The following CFAP90 variants were observed in gnomAD, a reference collection of about 807,000 sequenced individuals.
The protein encoded by CFAP90 is cilia- and flagella-associated protein 90.
At chr5:7,845,996 C>T in the CFAP90 span, among the ~76,000 whole-genome samples, 3 of 142,592 alleles carry the variant, frequency 2.1e-5, no homozygotes, top group South Asian at 2.2e-4. Context: ...ATGAGGTTTG[C>T]GACTGGGATC....
At chr5:7,833,739 G>A in the CFAP90 span, among the ~76,000 whole-genome samples, 1 of 152,112 alleles carries the variant, frequency 6.6e-6, no homozygotes, top group Non-Finnish European at 1.5e-5. Flanking sequence ...TCTCATATAC[G>A]ACGGTAGTCC....
chr5:7,849,792 T>C, the CFAP90 span, among the ~76,000 whole-genome samples: 8 of 148,580 alleles, frequency 5.4e-5, no homozygotes, highest in African/African-American at 1.7e-4. Flanking sequence ...TCGCCAGCTA[T>C]TCCTTCTGGT....
the CFAP90 span, chr5:7,850,995 G>C: frequency 1.6e-6 from 2 of 1,286,908 alleles, no homozygotes; most frequent in East Asian, 3.0e-5. Context: ...GCGTGGACGC[G>C]GTGGTCTCCT....
chr5:7,838,730 T>C, the CFAP90 span, among the ~76,000 whole-genome samples: 2 of 152,188 alleles, frequency 1.3e-5, no homozygotes, highest in Non-Finnish European at 2.9e-5. Context: ...CCCTGTTCCA[T>C]GCGTTTTGGG....
chr5:7,842,885 G>A, the CFAP90 span, among the ~76,000 whole-genome samples: 1 of 152,218 alleles, frequency 6.6e-6, no homozygotes, highest in Non-Finnish European at 1.5e-5. Context: ...GCAGAGCTTA[G>A]AAGAAATGCT....
At chr5:7,831,860 G>A in the CFAP90 span, 1 of 1,612,602 alleles carries the variant, frequency 6.2e-7, no homozygotes, top group South Asian at 1.1e-5. Flanking sequence ...TCAGGATGGA[G>A]CAATGTGCCC....
the CFAP90 span, among the ~76,000 whole-genome samples, chr5:7,850,112 C>T: frequency 1.3e-5 from 2 of 152,170 alleles, no homozygotes; most frequent in Non-Finnish European, 2.9e-5. Flanking sequence ...CCCCTGATCG[C>T]AGCTAAGACA....
the CFAP90 span, among the ~76,000 whole-genome samples, chr5:7,834,788 A>C: frequency 6.6e-6 from 1 of 152,244 alleles, no homozygotes; most frequent in East Asian, 1.9e-4. Context: ...GCCTAGGAGT[A>C]ATAAGCTGTA....
chr5:7,849,503 T>G, the CFAP90 span, among the ~76,000 whole-genome samples: 1 of 152,056 alleles, frequency 6.6e-6, no homozygotes, highest in African/African-American at 2.4e-5. Context: ...AGGCTGAGGG[T>G]CCTCAATGAA....
chr5:7,850,736 T>C, the CFAP90 span: 2 of 763,930 alleles, frequency 2.6e-6, no homozygotes, highest in East Asian at 1.2e-4. Flanking sequence ...CCAAGACCCT[T>C]CCGCTGGGGT....
the CFAP90 span, among the ~76,000 whole-genome samples, chr5:7,849,907 A>G: frequency 6.6e-6 from 1 of 152,076 alleles, no homozygotes; most frequent in African/African-American, 2.4e-5. Context: ...TGCCGCAGAC[A>G]GACCCCAGAG....
chr5:7,836,000 T>C, the CFAP90 span, among the ~76,000 whole-genome samples: 4 of 152,052 alleles, frequency 2.6e-5, no homozygotes, highest in Non-Finnish European at 5.9e-5. Flanking sequence ...GATTCACAGG[T>C]GGTGTCTTCT....
chr5:7,843,362 G>T, the CFAP90 span, among the ~76,000 whole-genome samples: 10 of 152,150 alleles, frequency 6.6e-5, no homozygotes, highest in Non-Finnish European at 1.5e-4. Context: ...TTCTCTTTGG[G>T]TTTTTGATTT....
the CFAP90 span, chr5:7,831,670 A>G: frequency 1.8e-6 from 1 of 568,428 alleles, no homozygotes. Context: ...CTCCTAACCC[A>G]GCAACCTGAG....
chr5:7,844,856 G>A, the CFAP90 span, among the ~76,000 whole-genome samples: 125,064 of 152,144 alleles, frequency 0.82, 52,178 homozygotes, highest in African/African-American at 0.96. Context: ...GGGAGGACCT[G>A]GGGAGGCTCA....
chr5:7,835,315 C>G, the CFAP90 span: 1 of 853,318 alleles, frequency 1.2e-6, no homozygotes, highest in Non-Finnish European at 1.9e-6. Flanking sequence ...TGTAATAAAA[C>G]TAGATATGCC....
At chr5:7,846,507 G>A in the CFAP90 span, among the ~76,000 whole-genome samples, 2 of 152,230 alleles carry the variant, frequency 1.3e-5, no homozygotes, top group Non-Finnish European at 1.5e-5. Context: ...TGGGAGGGGC[G>A]AGGGAGCTCT....
chr5:7,832,827 G>A, the CFAP90 span, among the ~76,000 whole-genome samples: 1 of 152,168 alleles, frequency 6.6e-6, no homozygotes, highest in Non-Finnish European at 1.5e-5. Context: ...TTCAGGAATG[G>A]CAGCTCTGAG....
the CFAP90 span, chr5:7,850,767 T>A: frequency 1.1e-6 from 1 of 897,926 alleles, no homozygotes; most frequent in Non-Finnish European, 1.3e-6. Context: ...CCCCCGCCCC[T>A]CCGCGGCCGC....
Sources: gnomAD v4.1 joint callset for allele counts (sites outside exome capture counted in the v4.1 genomes callset) on GRCh38, gnomAD v4.1.1 for gene constraint, MANE v1.5 for transcripts, NCBI Gene and HGNC (gene_info 2026-07-23, HGNC 2026-07-21) for gene names.